PXDNL: variants seen among roughly 807,000 people sequenced by gnomAD.
PXDNL encodes probable oxidoreductase PXDNL.
PXDNL carries 145 observed loss-of-function variants against 150.8 expected under a neutral mutation model. The ratio of observed to expected loss-of-function variants is 0.96; its 90% CI spans 0.84 to 1.10. PXDNL has a LOEUF of 1.10. Among genes scored for constraint, PXDNL ranks in the 50% least tolerant of loss-of-function variants. PXDNL has a pLI of 0.00. For missense variants in PXDNL, 2,087 were observed against 1,873.9 expected (o/e 1.11, Z -2.10); for synonymous variants, 757 against 725.7 (o/e 1.04, Z -0.69).
chr8:51,501,899 G>C (rs923444214), intron 4 of PXDNL, among the ~76,000 whole-genome samples: 1 of 152,226 alleles, frequency 6.6e-6, no homozygotes, highest in Non-Finnish European at 1.5e-5. Context: ...AGTGAAGAAA[G>C]AGTTAGAAGG....
chr8:51,757,585 G>A (rs1388863677), intron 1 of PXDNL, among the ~76,000 whole-genome samples: 1 of 152,166 alleles, frequency 6.6e-6, no homozygotes, highest in Non-Finnish European at 1.5e-5. Flanking sequence ...GGGATATGAC[G>A]AGAAAAATTT....
chr8:51,582,618 C>T (rs1232744417), intron 3 of PXDNL, among the ~76,000 whole-genome samples: 1 of 152,150 alleles, frequency 6.6e-6, no homozygotes, highest in Non-Finnish European at 1.5e-5. Flanking sequence ...TGATATTTAT[C>T]ACTTATTACT....
chr8:51,780,225 T>C (rs957082796), intron 1 of PXDNL, among the ~76,000 whole-genome samples: 1 of 151,126 alleles, frequency 6.6e-6, no homozygotes, highest in African/African-American at 2.4e-5. Flanking sequence ...AAAAAAGAAG[T>C]GCAGAGCCTC....
chr8:51,543,734 A>G (rs911104465), intron 4 of PXDNL, among the ~76,000 whole-genome samples: 7 of 151,504 alleles, frequency 4.6e-5, no homozygotes, highest in Non-Finnish European at 8.8e-5. Flanking sequence ...AAAAAAAAGA[A>G]AGAAAGAAAT....
In PXDNL at chr8:51,809,443, A is replaced by G; in HGVS notation, c.-99T>C. ...CAGTGGTGGTGATGGTGGCTGCTGG[A>G]CTGAGCCAAGTTTGGGAGCCGTGGT... is the stretch of plus-strand genomic sequence containing the variant. On this transcript the variant is annotated 5_prime_UTR_variant, in exon 1 of 23. Coordinates refer to ENST00000356297, the MANE Select transcript of PXDNL (RefSeq NM_144651.5). The G allele has an allele frequency of 8.0e-7, 1 of 1,257,292 alleles. No homozygotes were observed. The highest frequency in any genetic ancestry group is 1.1e-6 in the Non-Finnish European group (1 of 939,630). The allele number at this position is 1,257,292 out of a possible 1,614,324, so 77.9% of individuals were successfully genotyped here.
chr8:51,584,811 A>G (rs1384201483), intron 3 of PXDNL, among the ~76,000 whole-genome samples: 3 of 152,210 alleles, frequency 2.0e-5, no homozygotes, highest in African/African-American at 7.2e-5. Context: ...GAGCCATTGA[A>G]GAACCCTAAG....
intron 3 of PXDNL, among the ~76,000 whole-genome samples, 184 bp downstream of exon 3, chr8:51,592,443 C>T (rs1420461224): frequency 1.3e-5 from 2 of 152,062 alleles, no homozygotes; most frequent in African/African-American, 2.4e-5. Flanking sequence ...TTTTCAGATG[C>T]ACAATCTATT....
chr8:51,626,278 G>A lies in PXDNL; in HGVS notation c.236+28411C>T, dbSNP rs1000348770. Among the ~76,000 whole-genome samples the A allele has an allele frequency of 9.9e-5, 15 of 152,178 alleles. No individual in the cohort carries two copies. The South Asian group carries it at 1.2e-3, about 13-fold the overall frequency. The stretch of plus-strand genomic sequence containing the variant: ...ACTCATCTATACAACTACATAAACC[G>A]TGCAACCTTAGTGGCTTTTATTCTA... On this transcript the variant is annotated intron_variant, in intron 2 of 22. Coordinates refer to ENST00000356297, the MANE Select transcript of PXDNL (RefSeq NM_144651.5).
chr8:51,587,995 A>G (rs989675926), intron 3 of PXDNL, among the ~76,000 whole-genome samples: 4 of 152,304 alleles, frequency 2.6e-5, no homozygotes, highest in Non-Finnish European at 5.9e-5. Context: ...GCAATAAATG[A>G]AATACACAGG....
rs148963193 is a variant in PXDNL at position 51,564,702 on chromosome 8, G to T, written c.309-7791C>A. On this transcript the variant is annotated intron_variant, in intron 3 of 22. Transcript: ENST00000356297. ...TTTAAGAAGAATACCAGCTAGTACA[G>T]GGAGTCATGAAATTAGGAAATCATA... is the stretch of plus-strand genomic sequence containing the variant. Among the ~76,000 whole-genome samples the T allele has an allele frequency of 5.3e-5, 8 of 151,840 alleles. No homozygotes were observed. The East Asian group carries it at 1.6e-3, about 30-fold the overall frequency.
chr8:51,572,133 T>C (rs1375444617), intron 3 of PXDNL, among the ~76,000 whole-genome samples: 3 of 151,866 alleles, frequency 2.0e-5, no homozygotes, highest in Non-Finnish European at 4.4e-5. Flanking sequence ...AACCCCATCA[T>C]AAGTTAAGCA....
At chr8:51,737,374 C>T (rs1286596230) in intron 1 of PXDNL, among the ~76,000 whole-genome samples, 1 of 152,220 alleles carries the variant, frequency 6.6e-6, no homozygotes, top group African/African-American at 2.4e-5. Context: ...CTGCATGAGA[C>T]TTTAACTTTC....
Position 51,592,765 on chromosome 8 carries a change from T to A in PXDNL, c.237-67A>T, listed in dbSNP as rs567345630. ...CAGACTCTGCAAACATTAAAATAGT[T>A]CTGCTAAGTATAGTGCTTTACACAA... On this transcript the variant is annotated intron_variant, in intron 2 of 22. Transcript: ENST00000356297. The A allele has an allele frequency of 7.0e-4, 843 of 1,207,416 alleles. 12 individuals are homozygous for A. In the South Asian group the frequency reaches 0.01, roughly 15 times the overall value. 74.8% of individuals were successfully genotyped at this position (1,207,416 alleles called of 1,614,324 possible). A position where few individuals can be genotyped will look rare whatever the true frequency, so the allele number is the denominator to read the frequency against.
chr8:51,376,351 T>G (rs1395439099), intron 17 of PXDNL, among the ~76,000 whole-genome samples: 1 of 152,218 alleles, frequency 6.6e-6, no homozygotes, highest in Non-Finnish European at 1.5e-5. Context: ...ACTGCTGCCC[T>G]TCCCCACTTT....
At chr8:51,662,637 T>C (rs891453536) in intron 1 of PXDNL, among the ~76,000 whole-genome samples, 9 of 152,218 alleles carry the variant, frequency 5.9e-5, no homozygotes, top group African/African-American at 2.2e-4. Context: ...CTAGAGATTA[T>C]TGAAAGTATG....
At position 51,475,075 on chromosome 8, in the gene PXDNL, G is replaced by A; in HGVS notation, c.591C>T (p.Gly197=). ...CCTGGGTGTGGCCGTGTTGGGCAAAGCCTTGTAAAAGCTCCCCCAGCCACA... is the reference window on the plus strand; with the variant it reads ...CCTGGGTGTGGCCGTGTTGGGCAAAACCTTGTAAAAGCTCCCCCAGCCACA... ...DLMWLGELLQ[G]FAQHGHTQAA... The change falls in exon 7 of 23, where the codon GGC becomes GGT. Residue 197 remains glycine, a synonymous_variant. Coordinates refer to ENST00000356297, the MANE Select transcript of PXDNL (RefSeq NM_144651.5). The A allele has an allele frequency of 1.2e-6, 2 of 1,613,918 alleles. No homozygotes were observed. Among genetic ancestry groups the A allele is most frequent in the Non-Finnish European group, 1.7e-6 (2 of 1,179,872 alleles).
At chr8:51,516,557 G>A (rs1292882055) in intron 4 of PXDNL, among the ~76,000 whole-genome samples, 1 of 152,086 alleles carries the variant, frequency 6.6e-6, no homozygotes, top group Non-Finnish European at 1.5e-5. Flanking sequence ...ACTTTAAATC[G>A]ACATTCTATC....
chr8:51,471,756 A>G (rs946010194), intron 8 of PXDNL, among the ~76,000 whole-genome samples: 10 of 149,538 alleles, frequency 6.7e-5, no homozygotes, highest in African/African-American at 2.2e-4. Context: ...GCACGATCTC[A>G]GCTCACTGCA....
chr8:51,440,903 C>T (rs145920608), intron 12 of PXDNL, among the ~76,000 whole-genome samples: 1 of 152,300 alleles, frequency 6.6e-6, no homozygotes, highest in Non-Finnish European at 1.5e-5. Flanking sequence ...GTGGGGCTTA[C>T]TGAGCAGATC....
Sources: gnomAD v4.1 joint callset for allele counts (sites outside exome capture counted in the v4.1 genomes callset) on GRCh38, gnomAD v4.1.1 for gene constraint, MANE v1.5 for transcripts, NCBI Gene and HGNC (gene_info 2026-07-23, HGNC 2026-07-21) for gene names.